COG5: variants seen among roughly 807,000 people sequenced by gnomAD.
COG5 encodes the protein component of oligomeric golgi complex 5.
COG5 carries 86 observed loss-of-function variants against 110.4 expected under a neutral mutation model. The observed-to-expected ratio is 0.78, with a 90% CI of 0.65 to 0.93. COG5 has a LOEUF of 0.93. COG5 is among the 40% of genes least tolerant of loss of function. COG5 has a pLI of 0.00. For missense variants in COG5, 1,077 were observed against 987.0 expected (o/e 1.09, Z -1.22); for synonymous variants, 360 against 334.6 (o/e 1.08, Z -0.83).
intron 21 of COG5, among the ~76,000 whole-genome samples, chr7:107,204,423 CTGTT>C (rs891901676): frequency 4.0e-5 from 6 of 151,712 alleles, no homozygotes; most frequent in Non-Finnish European, 5.9e-5. Context: ...ACCAGATCGT[CTGTT>C]TAAGTGGAGC....
chr7:107,459,281 A>C (rs1303921931), intron 6 of COG5, among the ~76,000 whole-genome samples: 1 of 152,200 alleles, frequency 6.6e-6, no homozygotes, highest in Admixed American at 6.5e-5. Flanking sequence ...CAAACTATAT[A>C]GAATGAACCT....
chr7:107,520,763 T>A (rs1312037172), intron 6 of COG5, among the ~76,000 whole-genome samples: 2 of 152,132 alleles, frequency 1.3e-5, no homozygotes, highest in Non-Finnish European at 2.9e-5. Flanking sequence ...CAAACTACCA[T>A]TAACATTCTT....
intron 19 of COG5, among the ~76,000 whole-genome samples, chr7:107,222,538 C>T (rs1361687454): frequency 6.6e-6 from 1 of 152,168 alleles, no homozygotes; most frequent in African/African-American, 2.4e-5. Context: ...GTCAAAAAAT[C>T]CATGAAAAGC....
chr7:107,457,804 A>G (rs1394610786), intron 6 of COG5, among the ~76,000 whole-genome samples: 2 of 152,194 alleles, frequency 1.3e-5, no homozygotes, highest in African/African-American at 2.4e-5. Context: ...AAACAATGAA[A>G]TAATTTTTTC....
In COG5 at chr7:107,246,856, A is replaced by G. The variant is rs575430045; in HGVS notation, c.1853+1540T>C. 2.8e-3 allele frequency among the ~76,000 whole-genome samples: 434 copies of G among 152,326 alleles called. 3 individuals are homozygous for G. Among genetic ancestry groups the G allele is most frequent in the African/African-American group, 9.7e-3 (405 of 41,572 alleles). ...AGCAGAACTACCATTTGACCCAGCA[A>G]TCCCATTACTGGCTATATATCCAGA... is the stretch of plus-strand genomic sequence containing the variant. On this transcript the variant is annotated intron_variant, in intron 17 of 21. Coordinates refer to ENST00000297135, the MANE Select transcript of COG5 (RefSeq NM_006348.5).
At chr7:107,358,370 T>C (rs1313899351) in intron 10 of COG5, among the ~76,000 whole-genome samples, 1 of 152,182 alleles carries the variant, frequency 6.6e-6, no homozygotes, top group Non-Finnish European at 1.5e-5. Flanking sequence ...GAAGGCCCAA[T>C]ATTAATTATC....
intron 11 of COG5, among the ~76,000 whole-genome samples, chr7:107,318,425 T>C (rs180692604): frequency 5.1e-4 from 78 of 152,346 alleles, no homozygotes; most frequent in African/African-American, 1.8e-3. Flanking sequence ...AATAAAATGA[T>C]AGCCACCCCA....
At chr7:107,431,167 C>G (rs1794001264) in intron 6 of COG5, among the ~76,000 whole-genome samples, 1 of 152,178 alleles carries the variant, frequency 6.6e-6, no homozygotes, top group Non-Finnish European at 1.5e-5. Context: ...TTGTTTTAAG[C>G]CATCAAATTT....
chr7:107,220,713 G>C (rs776669970), intron 19 of COG5, among the ~76,000 whole-genome samples: 1 of 152,008 alleles, frequency 6.6e-6, no homozygotes, highest in Non-Finnish European at 1.5e-5. Context: ...AGTGTAATAA[G>C]AAGTCCCTCC....
chr7:107,520,075 G>A (rs1355668009), intron 6 of COG5, among the ~76,000 whole-genome samples: 1 of 151,992 alleles, frequency 6.6e-6, no homozygotes, highest in African/African-American at 2.4e-5. Context: ...CACAGAAAAG[G>A]GCTCTGATAA....
At chr7:107,533,836 A>G (rs993490337) in intron 5 of COG5, among the ~76,000 whole-genome samples, 3 of 151,598 alleles carry the variant, frequency 2.0e-5, no homozygotes, top group Admixed American at 6.5e-5. Context: ...ATACTCCTCA[A>G]GAAGAACAAC....
At chr7:107,414,743 T>TTC (rs1554434310) in intron 6 of COG5, among the ~76,000 whole-genome samples, 4 of 115,724 alleles carry the variant, frequency 3.5e-5, no homozygotes, top group Admixed American at 2.9e-4. Flanking sequence ...TTTTTTTTTT[T>TTC]CCGAGACTCA....
intron 12 of COG5, among the ~76,000 whole-genome samples, chr7:107,286,508 G>C (rs571345898): frequency 1.4e-4 from 21 of 152,254 alleles, no homozygotes; most frequent in Admixed American, 4.6e-4. Flanking sequence ...TGTATCTGCT[G>C]CTAAGCTGGC....
At chr7:107,440,515 G>C (rs190447983) in intron 6 of COG5, among the ~76,000 whole-genome samples, 2 of 152,072 alleles carry the variant, frequency 1.3e-5, no homozygotes, top group Non-Finnish European at 2.9e-5. Flanking sequence ...CTAATAAGAC[G>C]GTCTTTTGCA....
chr7:107,550,105 A>G (rs551657544), intron 3 of COG5, among the ~76,000 whole-genome samples: 205 of 152,252 alleles, frequency 1.3e-3, no homozygotes, highest in African/African-American at 4.0e-3. Flanking sequence ...ACTTCTCTCC[A>G]GGCTATGTCA....
intron 7 of COG5, among the ~76,000 whole-genome samples, chr7:107,392,986 T>C (rs1480985740): frequency 6.6e-6 from 1 of 152,212 alleles, no homozygotes; most frequent in African/African-American, 2.4e-5. Context: ...TCCAGGTCAC[T>C]GTGTTCTCTG....
intron 5 of COG5, among the ~76,000 whole-genome samples, chr7:107,529,362 G>T (rs975003075): frequency 6.6e-6 from 1 of 152,228 alleles, no homozygotes; most frequent in African/African-American, 2.4e-5. Context: ...TTGGCAGCCA[G>T]TGCCAGGGAG....
intron 17 of COG5, among the ~76,000 whole-genome samples, chr7:107,241,548 G>A (rs892966462): frequency 6.6e-6 from 1 of 151,790 alleles, no homozygotes; most frequent in Non-Finnish European, 1.5e-5. Flanking sequence ...CGCCTCCGGG[G>A]TTCACGCCTT....
At chr7:107,462,592 C>G (rs1796062840) in intron 6 of COG5, among the ~76,000 whole-genome samples, 1 of 125,512 alleles carries the variant, frequency 8.0e-6, no homozygotes, top group Non-Finnish European at 1.6e-5. Flanking sequence ...CACATTAGAA[C>G]TAGGAGAAGA....
Sources: gnomAD v4.1 joint callset for allele counts (sites outside exome capture counted in the v4.1 genomes callset) on GRCh38, gnomAD v4.1.1 for gene constraint, MANE v1.5 for transcripts, NCBI Gene and HGNC (gene_info 2026-07-23, HGNC 2026-07-21) for gene names.